Variants in ULK4 observed in about 807,000 individuals in gnomAD.
ULK4 encodes the protein inactive serine/threonine-protein kinase ULK4.
Under a neutral mutation model 160.6 loss-of-function variants are expected in ULK4, and 133 were observed. That is an observed-to-expected ratio of 0.83 (90% CI 0.72 to 0.96). ULK4 has a LOEUF of 0.96. Among genes scored for constraint, ULK4 ranks in the 40% least tolerant of loss-of-function variants. The pLI is 0.00. For synonymous variants in ULK4, 534 were observed against 539.8 expected (o/e 0.99, Z 0.15); for missense variants, 1,580 against 1,499.5 (o/e 1.05, Z -0.89).
intron 17 of ULK4, among the ~76,000 whole-genome samples, chr3:41,844,988 C>T (rs1426352576): frequency 4.2e-5 from 6 of 143,280 alleles, no homozygotes; most frequent in South Asian, 2.2e-4. Context: ...TTTTTTGAGA[C>T]GGAGTCTCGC....
intron 29 of ULK4, among the ~76,000 whole-genome samples, chr3:41,676,426 A>G (rs1328484237): frequency 6.6e-6 from 1 of 152,168 alleles, no homozygotes; most frequent in Non-Finnish European, 1.5e-5. Flanking sequence ...GAGCTTTAGA[A>G]AGTATGAATT....
At chr3:41,410,087 C>T (rs1278924448) in intron 34 of ULK4, among the ~76,000 whole-genome samples, 3 of 152,102 alleles carry the variant, frequency 2.0e-5, no homozygotes, top group Non-Finnish European at 4.4e-5. Context: ...CCCTCATATA[C>T]TGCTAGTGGA....
At chr3:41,305,898 T>C (rs2079909156) in intron 35 of ULK4, among the ~76,000 whole-genome samples, 1 of 146,966 alleles carries the variant, frequency 6.8e-6, no homozygotes, top group East Asian at 2.0e-4. Flanking sequence ...GAGGAGCACC[T>C]CTGCCCGGCT....
intron 34 of ULK4, among the ~76,000 whole-genome samples, chr3:41,436,081 T>C (rs1229598748): frequency 6.6e-6 from 1 of 152,254 alleles, no homozygotes; most frequent in Non-Finnish European, 1.5e-5. Flanking sequence ...AACAGTACTT[T>C]GGGTACCCAT....
intron 18 of ULK4, among the ~76,000 whole-genome samples, chr3:41,824,910 C>T (rs1423567980): frequency 1.3e-5 from 2 of 152,346 alleles, no homozygotes; most frequent in East Asian, 1.9e-4. Flanking sequence ...CTGGGAGGCA[C>T]CCCCAGTAGG....
At chr3:41,936,805 T>G (rs1575982209) in intron 3 of ULK4, among the ~76,000 whole-genome samples, 1 of 152,136 alleles carries the variant, frequency 6.6e-6, no homozygotes, top group East Asian at 1.9e-4. Context: ...TGGGGATGGT[T>G]AATGGGTACA....
chr3:41,726,501 A>G (rs2037657101), intron 22 of ULK4, among the ~76,000 whole-genome samples: 1 of 152,272 alleles, frequency 6.6e-6, no homozygotes, highest in African/African-American at 2.4e-5. Context: ...TACGAAAAGC[A>G]GCAAATGATA....
chr3:41,402,894 T>A (rs1235507082), intron 34 of ULK4, among the ~76,000 whole-genome samples: 1 of 152,174 alleles, frequency 6.6e-6, no homozygotes, highest in South Asian at 2.1e-4. Context: ...TTCATGTCTG[T>A]AATCCCAGCA....
chr3:41,943,769 C>CA (rs1451472925), intron 2 of ULK4, among the ~76,000 whole-genome samples: 3 of 152,112 alleles, frequency 2.0e-5, no homozygotes, highest in Non-Finnish European at 2.9e-5. Context: ...TTCCAAAAGC[C>CA]AAAACCTCCC....
intron 22 of ULK4, among the ~76,000 whole-genome samples, chr3:41,736,131 G>C (rs1219558819): frequency 1.3e-5 from 2 of 151,416 alleles, no homozygotes; most frequent in Non-Finnish European, 2.9e-5. Context: ...TTGCTATTGT[G>C]AATAATGCCA....
At chr3:41,943,843 C>T (rs1253670658) in intron 2 of ULK4, among the ~76,000 whole-genome samples, 1 of 152,200 alleles carries the variant, frequency 6.6e-6, no homozygotes, top group Non-Finnish European at 1.5e-5. Context: ...CTCCTCGCCA[C>T]ATTATGCTGA....
intron 35 of ULK4, among the ~76,000 whole-genome samples, chr3:41,321,468 T>C (rs2080245640): frequency 6.6e-6 from 1 of 152,086 alleles, no homozygotes; most frequent in Admixed American, 6.5e-5. Flanking sequence ...TCTGCTATGA[T>C]TGTGTTACAG....
At chr3:41,675,485 G>C (rs775872395) in intron 29 of ULK4, among the ~76,000 whole-genome samples, 2 of 152,080 alleles carry the variant, frequency 1.3e-5, no homozygotes, top group Non-Finnish European at 2.9e-5. Flanking sequence ...AGCTACTCAG[G>C]AGGCTGAGGC....
chr3:41,636,430 A>G (rs1036939795), intron 30 of ULK4, among the ~76,000 whole-genome samples: 1 of 151,882 alleles, frequency 6.6e-6, no homozygotes, highest in Non-Finnish European at 1.5e-5. Flanking sequence ...GCTACTTGGG[A>G]GGCTGAGGCA....
At chr3:41,634,517 T>C (rs1393086105) in intron 30 of ULK4, among the ~76,000 whole-genome samples, 2 of 152,246 alleles carry the variant, frequency 1.3e-5, no homozygotes, top group South Asian at 2.1e-4. Flanking sequence ...AAAAGAAAAA[T>C]GCATGGCAAG....
chr3:41,730,280 A>C (rs2037780445), intron 22 of ULK4, among the ~76,000 whole-genome samples: 1 of 152,198 alleles, frequency 6.6e-6, no homozygotes. Flanking sequence ...AGAAGGAAAG[A>C]AGTAACATAA....
At chr3:41,263,203 G>GT (rs2078976884) in intron 35 of ULK4, among the ~76,000 whole-genome samples, 1 of 152,190 alleles carries the variant, frequency 6.6e-6, no homozygotes, top group African/African-American at 2.4e-5. Context: ...GAGGAACAGT[G>GT]TATCTATCAC....
chr3:41,330,134 G>C (rs2080413691), intron 35 of ULK4, among the ~76,000 whole-genome samples: 1 of 152,178 alleles, frequency 6.6e-6, no homozygotes, highest in Admixed American at 6.6e-5. Context: ...GACAATGCCA[G>C]AGAGATTAGA....
In ULK4 at chr3:41,424,706, AAAAC is replaced by A. The variant is rs527687203; in HGVS notation, c.3493-26446_3493-26443del. 1.8e-4 allele frequency among the ~76,000 whole-genome samples: 27 copies of A among 152,200 alleles called. 1 individual carries two copies. The East Asian group carries it at 4.8e-3, about 27-fold the overall frequency. ...GAAGAGGGGCCTGACTATTAAAAGAAAAACAAACAAATAGAAAGCAATAACAACA... is the reference window on the plus strand; with the variant it reads ...GAAGAGGGGCCTGACTATTAAAAGAAAAACAAATAGAAAGCAATAACAACA... On this transcript the variant is annotated intron_variant, in intron 34 of 36. Transcript: ENST00000301831.
Sources: gnomAD v4.1 joint callset for allele counts (sites outside exome capture counted in the v4.1 genomes callset) on GRCh38, gnomAD v4.1.1 for gene constraint, MANE v1.5 for transcripts, NCBI Gene and HGNC (gene_info 2026-07-23, HGNC 2026-07-21) for gene names.